Variants in ABL2 observed in about 807,000 individuals in gnomAD.
The protein encoded by ABL2 is tyrosine-protein kinase ABL2.
Under a neutral mutation model 107.7 loss-of-function variants are expected in ABL2, and 49 were observed. The ratio of observed to expected loss-of-function variants is 0.45; its 90% confidence interval spans 0.36 to 0.58. ABL2 has a LOEUF of 0.58. Among genes scored for constraint, ABL2 ranks in the 20% least tolerant of loss-of-function variants. The pLI, the probability that ABL2 is intolerant of heterozygous loss-of-function variation, is 0.00. For synonymous variants in ABL2, 549 were observed against 548.6 expected (o/e 1.00, Z -0.01); for missense variants, 1,245 against 1,457.0 (o/e 0.85, Z 2.37).
At position 179,104,833 on chromosome 1, in the gene ABL2, G is replaced by A. The variant is rs1017509827; in HGVS notation, c.*2885C>T. On this transcript the variant is annotated 3_prime_UTR_variant, in exon 12 of 12. Coordinates refer to ENST00000502732, the MANE Select transcript of ABL2 (RefSeq NM_007314.4). ...AGAAAACTGTCAACGCCTTGGACAA[G>A]GGCCTTTGCTCATTGCTTTTAGAAT... The A allele has an allele frequency of 5.5e-5, 12 of 218,808 alleles. No individual in the cohort carries two copies. Among genetic ancestry groups the A allele is most frequent in the Non-Finnish European group, 1.1e-4 (12 of 109,136 alleles). 13.6% of individuals were successfully genotyped at this position (218,808 alleles called of 1,614,324 possible).
rs1653045255 is a variant in ABL2 at position 179,101,015 on chromosome 1, G to A, written c.*6703C>T. The A allele has an allele frequency of 8.6e-6, 2 of 232,458 alleles. No homozygotes were observed. Among genetic ancestry groups the A allele is most frequent in the East Asian group, 1.2e-4 (2 of 16,512 alleles). 14.4% of individuals were successfully genotyped at this position (232,458 alleles called of 1,614,324 possible). A position where few individuals can be genotyped will look rare whatever the true frequency, so the allele number is the denominator to read the frequency against. Reference sequence around the variant, plus strand: ...GGTGGGCTTGAGAAACGCAGCAACTGCCAAGTGAACACTCTCAGGAAACCA... The same window carrying A: ...GGTGGGCTTGAGAAACGCAGCAACTACCAAGTGAACACTCTCAGGAAACCA... On this transcript the variant is annotated 3_prime_UTR_variant, in exon 12 of 12. Transcript: ENST00000502732.
chr1:179,124,980 G>A (rs569757009), intron 4 of ABL2, among the ~76,000 whole-genome samples: 1 of 152,108 alleles, frequency 6.6e-6, no homozygotes, highest in South Asian at 2.1e-4. Flanking sequence ...ATATCTATTA[G>A]GAGTCCTTCC....
At chr1:179,110,576 C>A (rs1653956526) in intron 10 of ABL2, 121 bp from the exon 11 acceptor site, 16 of 1,501,840 alleles carry the variant, frequency 1.1e-5, no homozygotes, top group Non-Finnish European at 1.4e-5. Flanking sequence ...AATACATACA[C>A]GGAATCATAA....
At chr1:179,155,137 T>C (rs574862354) in intron 1 of ABL2, among the ~76,000 whole-genome samples, 30 of 152,330 alleles carry the variant, frequency 2.0e-4, no homozygotes, top group African/African-American at 5.8e-4. Context: ...CCAGGCTGCC[T>C]CTCTAATGCA....
At chr1:179,177,587 T>C (rs1210981644) in intron 1 of ABL2, among the ~76,000 whole-genome samples, 1 of 152,172 alleles carries the variant, frequency 6.6e-6, no homozygotes, top group Non-Finnish European at 1.5e-5. Flanking sequence ...TTGATAACAA[T>C]TAATTCATTT....
chr1:179,120,436 A>C (rs1655080164), intron 5 of ABL2, among the ~76,000 whole-genome samples, 162 bp from the exon 6 acceptor site: 1 of 152,102 alleles, frequency 6.6e-6, no homozygotes, highest in Admixed American at 6.6e-5. Flanking sequence ...TTTTAATTTA[A>C]TTTATTTTTT....
chr1:179,190,572 C>T (rs116610054), intron 1 of ABL2, among the ~76,000 whole-genome samples: 1,732 of 152,096 alleles, frequency 0.011, 30 homozygotes, highest in African/African-American at 0.039. Flanking sequence ...TAACTTTCAG[C>T]CTCTCCCCCC....
At chr1:179,158,094 A>C (rs913030203) in intron 1 of ABL2, among the ~76,000 whole-genome samples, 4 of 152,240 alleles carry the variant, frequency 2.6e-5, no homozygotes, top group African/African-American at 9.6e-5. Context: ...AGAGTCAAGG[A>C]AAGAATACAA....
intron 1 of ABL2, among the ~76,000 whole-genome samples, chr1:179,173,161 G>A (rs952254655): frequency 2.0e-5 from 3 of 149,460 alleles, no homozygotes; most frequent in African/African-American, 7.4e-5. Flanking sequence ...TTGCACTCCA[G>A]CCTGGGCGAC....
At position 179,126,955 on chromosome 1, in the gene ABL2, A is replaced by G. The variant is rs941599213; in HGVS notation, c.392-283T>C. On this transcript the variant is annotated intron_variant, in intron 3 of 11. Coordinates refer to ENST00000502732, the MANE Select transcript of ABL2 (RefSeq NM_007314.4). The surrounding 1 kb of genome is among the most constrained non-coding windows in gnomAD (Gnocchi z 4.4). ...ATACAACTTAAAAAATATCCTTAAG[A>G]AATTCTATGTATGCCAGACAGGTTA... is the stretch of plus-strand genomic sequence containing the variant. Among the ~76,000 whole-genome samples the G allele has an allele frequency of 6.6e-6, 1 of 152,196 alleles. No homozygotes were observed. Among genetic ancestry groups the G allele is most frequent in the Non-Finnish European group, 1.5e-5 (1 of 68,042 alleles).
At chr1:179,140,410 C>A (rs925026079) in intron 1 of ABL2, among the ~76,000 whole-genome samples, 1 of 152,234 alleles carries the variant, frequency 6.6e-6, no homozygotes, top group African/African-American at 2.4e-5. Flanking sequence ...ACATCCCCCA[C>A]TGACTCCTTT....
At position 179,108,179 on chromosome 1, in the gene ABL2, C is replaced by T; in HGVS notation, c.3088G>A (p.Val1030Met). The change falls in exon 12 of 12, where the codon GTG (valine) becomes ATG (methionine). Residue 1030 changes from valine to methionine, a missense_variant. Val to Met is a conservative substitution (Grantham distance 21). This residue lies in a region of ABL2 where 761 missense variants were observed against 766.4 expected (regional missense o/e 0.99). Coordinates refer to ENST00000502732, the MANE Select transcript of ABL2 (RefSeq NM_007314.4). Reference protein sequence around the residue: ...EGGKKAALGAVPISGKAGRPV... With the variant: ...EGGKKAALGAMPISGKAGRPV... ...CTCCCAGCTTTCCCACTGATGGGCA[C>T]TGCGCCCAGAGCTGCCTTCTTTCCT... The T allele has an allele frequency of 6.2e-7, 1 of 1,614,222 alleles. No homozygotes were observed. The highest frequency in any genetic ancestry group is 8.5e-7 in the Non-Finnish European group (1 of 1,180,046).
In ABL2 at chr1:179,107,517, T is replaced by C; in HGVS notation, c.*201A>G. The C allele has an allele frequency of 9.3e-7, 1 of 1,075,556 alleles. No homozygotes were observed. 66.6% of individuals were successfully genotyped at this position (1,075,556 alleles called of 1,614,324 possible). On this transcript the variant is annotated 3_prime_UTR_variant, in exon 12 of 12. Transcript: ENST00000502732. ...CCACTACTGCCTTGCCCCCACTTAA[T>C]TTACCTCTCCTATACTTATGTGGTT...
At chr1:179,118,480 C>G in intron 7 of ABL2, 107 bp downstream of exon 7, 1 of 1,159,474 alleles carries the variant, frequency 8.6e-7, no homozygotes, top group Non-Finnish European at 1.2e-6. Context: ...TACAAAATTA[C>G]TTTCTTGAAT....
At chr1:179,139,303 G>A (rs961401825) in intron 1 of ABL2, among the ~76,000 whole-genome samples, 1 of 151,748 alleles carries the variant, frequency 6.6e-6, no homozygotes, top group African/African-American at 2.4e-5. Flanking sequence ...CTCCAAACGC[G>A]CTACCTTAAG....
chr1:179,138,704 C>T (rs913988697), intron 1 of ABL2, among the ~76,000 whole-genome samples: 1 of 152,232 alleles, frequency 6.6e-6, no homozygotes, highest in Non-Finnish European at 1.5e-5. Flanking sequence ...CGCTCGCTCT[C>T]GGTGCCTCCT....
rs1653328283 is a variant in ABL2, at chr1:179,104,216, GTAGTTACTAT to G, written c.*3492_*3501del. Reference sequence around the variant, plus strand: ...ATTTAATCCTTACAACAACCCTGAGGTAGTTACTATTATTATCCCTGTTTTACAGTGAGGA... The same window carrying G: ...ATTTAATCCTTACAACAACCCTGAGGTATTATCCCTGTTTTACAGTGAGGA... On this transcript the variant is annotated 3_prime_UTR_variant, in exon 12 of 12. Coordinates refer to ENST00000502732, the MANE Select transcript of ABL2 (RefSeq NM_007314.4). 1 of 230,298 alleles carries G rather than the reference GTAGTTACTAT, an allele frequency of 4.3e-6. No individual in the cohort carries two copies. Among genetic ancestry groups the G allele is most frequent in the Non-Finnish European group, 8.6e-6 (1 of 116,286 alleles). The allele number at this position is 230,298 out of a possible 1,614,324, so 14.3% of individuals were successfully genotyped here.
chr1:179,157,442 AG>A lies in ABL2; in HGVS notation c.158-24069del, dbSNP rs145355075. 7.2e-5 allele frequency among the ~76,000 whole-genome samples: 11 copies of A among 152,096 alleles called. No homozygotes were observed. The East Asian group carries it at 1.9e-3, about 27-fold the overall frequency. The stretch of plus-strand genomic sequence containing the variant: ...AACCCGGGAGGCGGAGGTTGCAGTG[AG>A]CCAAGATCATGCCACTGTACTCCAG... On this transcript the variant is annotated intron_variant, in intron 1 of 11. Transcript: ENST00000502732.
intron 8 of ABL2, among the ~76,000 whole-genome samples, chr1:179,116,056 C>CACAG (rs1654589560): frequency 6.6e-6 from 1 of 151,980 alleles, no homozygotes; most frequent in Non-Finnish European, 1.5e-5. Flanking sequence ...CTCTGTGTCA[C>CACAG]AGTACTCTGC....
Sources: allele counts gnomAD v4.1 joint callset (sites outside exome capture counted in the v4.1 genomes callset), GRCh38; gene constraint gnomAD v4.1.1; regional missense constraint gnomAD v4.1.1; non-coding constraint Gnocchi (gnomAD v3.1); transcripts MANE v1.5; gene names NCBI Gene and HGNC (gene_info 2026-07-23, HGNC 2026-07-21).